Variants in SLC20A1 observed in about 807,000 individuals in gnomAD.
SLC20A1 encodes the protein sodium-dependent phosphate transporter 1.
A neutral mutation model predicts 62.7 loss-of-function variants in SLC20A1; 28 were observed. That is an observed-to-expected ratio of 0.45 (90% confidence interval 0.33 to 0.61). SLC20A1 has a LOEUF of 0.61. SLC20A1 is among the 20% of genes least tolerant of loss of function. SLC20A1 has a pLI of 0.02. For missense variants in SLC20A1, 673 were observed against 838.6 expected, an observed-to-expected ratio of 0.80 and a Z score of 2.44; for synonymous variants, 305 against 302.9, an observed-to-expected ratio of 1.01 and a Z score of -0.07.
chr2:112,654,427 G>A (rs977795469), intron 5 of SLC20A1, among the ~76,000 whole-genome samples: 10 of 152,142 alleles, frequency 6.6e-5, no homozygotes, highest in African/African-American at 2.2e-4. Flanking sequence ...AGATATTTTC[G>A]TTGTGTCCTT....
At chr2:112,662,577 C>T (rs1327681943) in intron 10 of SLC20A1, among the ~76,000 whole-genome samples, 1 of 152,084 alleles carries the variant, frequency 6.6e-6, no homozygotes, top group East Asian at 2.0e-4. Flanking sequence ...GAGACTCCGT[C>T]TCAAAAAATA....
intron 5 of SLC20A1, among the ~76,000 whole-genome samples, chr2:112,656,276 A>G (rs1226962414): frequency 1.4e-5 from 2 of 144,910 alleles, no homozygotes; most frequent in Admixed American, 1.4e-4. Context: ...GCTCACTGCA[A>G]CCTCCGCCCT....
At chr2:112,661,840 C>T (rs548898687) in intron 10 of SLC20A1, among the ~76,000 whole-genome samples, 11 of 152,272 alleles carry the variant, frequency 7.2e-5, no homozygotes, top group African/African-American at 2.4e-4. Flanking sequence ...TGAGCCACCG[C>T]GCCCGGCCGA....
At chr2:112,654,895 CA>C (rs199529152) in intron 5 of SLC20A1, among the ~76,000 whole-genome samples, 39 of 112,248 alleles carry the variant, frequency 3.5e-4, no homozygotes, top group South Asian at 2.8e-4. Context: ...GATGCTGTCT[CA>C]AAAAAAAAAA....
Position 112,661,151 on chromosome 2 carries a change from T to C in SLC20A1, c.1803T>C (p.Ser601=), listed in dbSNP as rs1686738710. ...CCTTTTGTGTCTGTAGTGGCTTCAG[T>C]ATTGAACTGGCATCTGCCCTCACTG... ...LTPITPSSGF[S]IELASALTVV... The change falls in exon 10 of 11, where the codon AGT becomes AGC. Residue 601 remains serine, a synonymous_variant. Transcript: ENST00000272542. 1 of 1,613,830 alleles carries C rather than the reference T, an allele frequency of 6.2e-7. No homozygotes were observed. The highest frequency in any genetic ancestry group is 1.7e-5 in the Admixed American group (1 of 60,004).
chr2:112,657,084 G>A lies in SLC20A1; in HGVS notation c.659-38G>A, dbSNP rs377365741. On this transcript the variant is annotated intron_variant, in intron 5 of 10. Transcript: ENST00000272542. Reference sequence around the variant, plus strand: ...TTACACAATATTGCAGGGGGCTGTTGCCCTGGGGTTTTCAAGATGCACCAT... The same window carrying A: ...TTACACAATATTGCAGGGGGCTGTTACCCTGGGGTTTTCAAGATGCACCAT... 4 of 1,613,358 alleles carry A rather than the reference G, an allele frequency of 2.5e-6. No homozygotes were observed. In the African/African-American group the frequency reaches 4.0e-5, roughly 16 times the overall value.
intron 4 of SLC20A1, 106 bp from the exon 5 acceptor site, chr2:112,652,596 A>T: frequency 2.4e-6 from 2 of 835,332 alleles, no homozygotes; most frequent in Non-Finnish European, 2.0e-6. Context: ...TACTCTGGAG[A>T]GAGTTATTGG....
chr2:112,656,260 A>G (rs1330027344), intron 5 of SLC20A1, among the ~76,000 whole-genome samples: 1 of 148,144 alleles, frequency 6.8e-6, no homozygotes, highest in Non-Finnish European at 1.5e-5. Context: ...CAGTGGCGCA[A>G]TCTCAGCTCA....
intron 4 of SLC20A1, among the ~76,000 whole-genome samples, chr2:112,649,105 T>C (rs1558690287): frequency 6.6e-6 from 1 of 152,246 alleles, no homozygotes; most frequent in African/African-American, 2.4e-5. Context: ...AAAACACTTA[T>C]TCCCCGGAAG....
rs530712032 is a variant in SLC20A1 at position 112,648,917 on chromosome 2, G to GT, written c.561+1187dup. Among the ~76,000 whole-genome samples, 19 of 151,938 alleles carry GT rather than the reference G, an allele frequency of 1.3e-4. No homozygotes were observed. The East Asian group carries it at 1.7e-3, about 14-fold the overall frequency. On this transcript the variant is annotated intron_variant, in intron 4 of 10. Coordinates refer to ENST00000272542, the MANE Select transcript of SLC20A1 (RefSeq NM_005415.5). The stretch of plus-strand genomic sequence containing the variant: ...CAGTAGTCATGGACCAGATTTTTTT[G>GT]TTTTTTTTAGAGTTTTCATTAGAAC...
At position 112,659,495 on chromosome 2, in the gene SLC20A1, A is replaced by G; in HGVS notation, c.1340A>G (p.Lys447Arg). The change falls in exon 8 of 11, where the codon AAG (lysine) becomes AGG (arginine). Residue 447 changes from lysine to arginine, a missense_variant. Lys to Arg is a conservative substitution (Grantham distance 26). Coordinates refer to ENST00000272542, the MANE Select transcript of SLC20A1 (RefSeq NM_005415.5). ...GAACAGAAGGGCGAAGAAATGGAGA[A>G]GCTGACATGGCCTAATGCAGACTCC... is the stretch of plus-strand genomic sequence containing the variant. ...EGEQKGEEME[K>R]LTWPNADSKK... 2 of 1,614,268 alleles carry G rather than the reference A, an allele frequency of 1.2e-6. No homozygotes were observed. Among genetic ancestry groups the G allele is most frequent in the Non-Finnish European group, 1.7e-6 (2 of 1,180,050 alleles).
chr2:112,651,177 G>T lies in SLC20A1; in HGVS notation c.562-1525G>T, dbSNP rs189743265. Among the ~76,000 whole-genome samples the T allele has an allele frequency of 1.8e-3, 267 of 152,230 alleles. 1 individual carries two copies. Among genetic ancestry groups the T allele is most frequent in the African/African-American group, 6.1e-3 (252 of 41,538 alleles). On this transcript the variant is annotated intron_variant, in intron 4 of 10. Transcript: ENST00000272542. ...GTGCTCATCTCTGCTAATTTGAAATGGTACCTTTACTTTACACATGGGTCT... is the reference window on the plus strand; with the variant it reads ...GTGCTCATCTCTGCTAATTTGAAATTGTACCTTTACTTTACACATGGGTCT...
At chr2:112,660,940 C>T in intron 9 of SLC20A1, 2 of 509,974 alleles carry the variant, frequency 3.9e-6, no homozygotes, top group South Asian at 7.1e-5. Context: ...AAACGTAAAA[C>T]TGGAAGCCTT....
At chr2:112,660,297 A>G in intron 8 of SLC20A1, 90 bp from the exon 9 acceptor site, 1 of 1,164,804 alleles carries the variant, frequency 8.6e-7, no homozygotes, top group Non-Finnish European at 1.2e-6. Flanking sequence ...GCTGTACTTT[A>G]GACAACCTGG....
chr2:112,659,835 G>T, intron 8 of SLC20A1, 73 bp downstream of exon 8: 1 of 1,326,244 alleles, frequency 7.5e-7, no homozygotes, highest in Non-Finnish European at 1.0e-6. Context: ...GCCTGTGCTT[G>T]TGGTAGTGGT....
At chr2:112,660,742 G>A (rs1283365807) in intron 9 of SLC20A1, 170 bp downstream of exon 9, 5 of 634,208 alleles carry the variant, frequency 7.9e-6, no homozygotes, top group Non-Finnish European at 1.0e-5. Flanking sequence ...TAAACATTTT[G>A]GTCAGACATT....
At chr2:112,654,953 A>G (rs1297235776) in intron 5 of SLC20A1, among the ~76,000 whole-genome samples, 2 of 142,894 alleles carry the variant, frequency 1.4e-5, no homozygotes, top group African/African-American at 2.5e-5. Context: ...AGGGACCTCA[A>G]TTTGTTTCTA....
chr2:112,651,698 G>A (rs1296080672), intron 4 of SLC20A1, among the ~76,000 whole-genome samples: 1 of 152,098 alleles, frequency 6.6e-6, no homozygotes, highest in East Asian at 1.9e-4. Flanking sequence ...GAGCCACCGC[G>A]CCCAGCCTCC....
At chr2:112,654,895 C>CAAA (rs199529152) in intron 5 of SLC20A1, among the ~76,000 whole-genome samples, 1,153 of 112,164 alleles carry the variant, frequency 0.01, 23 homozygotes, top group African/African-American at 0.038. Context: ...GATGCTGTCT[C>CAAA]AAAAAAAAAA....
Sources: gnomAD v4.1 joint callset for allele counts (sites outside exome capture counted in the v4.1 genomes callset) on GRCh38, gnomAD v4.1.1 for gene constraint, MANE v1.5 for transcripts, NCBI Gene and HGNC (gene_info 2026-07-23, HGNC 2026-07-21) for gene names.